DNAH5: variants seen among roughly 807,000 people sequenced by gnomAD.
DNAH5 encodes the protein axonemal beta dynein heavy chain 5.
In DNAH5, 372 loss-of-function variants were observed where a neutral mutation model predicts 518.2. The ratio of observed to expected loss-of-function variants is 0.72; its 90% CI spans 0.66 to 0.78. The LOEUF (loss-of-function observed/expected upper bound fraction) is 0.78. Ranked by LOEUF, DNAH5 falls within the 30% of genes least tolerant of loss-of-function variation. The pLI, the probability that DNAH5 is intolerant of heterozygous loss-of-function variation, is 0.00. For synonymous variants in DNAH5, 2,039 were observed against 2,025.9 expected (o/e 1.01, Z -0.17); for missense variants, 5,523 against 5,687.0 (o/e 0.97, Z 0.93).
At chr5:13,810,670 C>T (rs1437775793) in intron 44 of DNAH5, 3 of 172,796 alleles carry the variant, frequency 1.7e-5, no homozygotes, top group South Asian at 1.4e-4. Flanking sequence ...AGGAGAATGG[C>T]GTGAACTTGG....
chr5:13,769,721 C>T (rs1753065300), intron 56 of DNAH5, 106 bp from the exon 57 acceptor site: 1 of 992,728 alleles, frequency 1.0e-6, no homozygotes, highest in African/African-American at 1.6e-5. Flanking sequence ...CTGAAGATTG[C>T]ATGTATGCAA....
chr5:13,831,919 C>T (rs80060652), intron 35 of DNAH5, among the ~76,000 whole-genome samples: 224 of 152,256 alleles, frequency 1.5e-3, no homozygotes, highest in African/African-American at 5.0e-3. Flanking sequence ...AGGAAAAAGG[C>T]CACAGAGATT....
intron 32 of DNAH5, 123 bp downstream of exon 32, chr5:13,844,714 T>G: frequency 7.9e-7 from 1 of 1,265,676 alleles, no homozygotes; most frequent in Non-Finnish European, 1.2e-6. Flanking sequence ...TTTTAGTCAC[T>G]GGCCAAGAGC....
intron 30 of DNAH5, among the ~76,000 whole-genome samples, chr5:13,856,954 G>A (rs747590638): frequency 7.2e-5 from 11 of 152,152 alleles, no homozygotes; most frequent in African/African-American, 2.2e-4. Flanking sequence ...ACCGACACAA[G>A]ACAAGGATGC....
Position 13,691,680 on chromosome 5 carries a change from T to G in DNAH5, c.*304A>C. The G allele has an allele frequency of 2.8e-6, 1 of 358,110 alleles. No individual in the cohort carries two copies. The highest frequency in any genetic ancestry group is 5.3e-6 in the Non-Finnish European group (1 of 190,270). 22.2% of individuals were successfully genotyped at this position (358,110 alleles called of 1,614,324 possible). A position where few individuals can be genotyped will look rare whatever the true frequency, so the allele number is the denominator to read the frequency against. Reference sequence around the variant, plus strand: ...GAGAAATACTGTCTGCTTACCCTAGTCAGTCTTCGGAGCGAAGTAAGAAGA... The same window carrying G: ...GAGAAATACTGTCTGCTTACCCTAGGCAGTCTTCGGAGCGAAGTAAGAAGA... On this transcript the variant is annotated 3_prime_UTR_variant, in exon 79 of 79. Transcript: ENST00000265104.
chr5:13,932,408 T>C (rs999070253), intron 1 of DNAH5: 4 of 152,112 alleles, frequency 2.6e-5, no homozygotes, highest in Non-Finnish European at 5.9e-5. Context: ...AGCCTAGCAT[T>C]GAAGGAGGGT....
intron 38 of DNAH5, 78 bp from the exon 39 acceptor site, chr5:13,824,411 A>G: frequency 7.3e-7 from 1 of 1,365,386 alleles, no homozygotes; most frequent in Non-Finnish European, 1.0e-6. Flanking sequence ...GACAGAAATT[A>G]TATTCACAAT....
At chr5:13,944,304 A>C in intron 1 of DNAH5, 78 bp downstream of exon 1, 1 of 1,432,530 alleles carries the variant, frequency 7.0e-7, no homozygotes, top group Non-Finnish European at 9.9e-7. Flanking sequence ...AACCTTTTTC[A>C]AGTTTGTTTT....
intron 78 of DNAH5, among the ~76,000 whole-genome samples, chr5:13,692,496 T>C (rs1021656818): frequency 7.2e-5 from 11 of 152,016 alleles, no homozygotes; most frequent in African/African-American, 2.7e-4. Flanking sequence ...CACACACACA[T>C]CTACTTTTAC....
At chr5:13,804,533 A>C (rs1759275051) in intron 47 of DNAH5, among the ~76,000 whole-genome samples, 1 of 152,250 alleles carries the variant, frequency 6.6e-6, no homozygotes. Context: ...AGTTAATTAC[A>C]ACAGTTTGGC....
intron 41 of DNAH5, among the ~76,000 whole-genome samples, chr5:13,819,850 C>T (rs573337544): frequency 1.2e-4 from 18 of 152,148 alleles, no homozygotes; most frequent in African/African-American, 3.9e-4. Context: ...GGGATGACTT[C>T]GGCATATAGA....
intron 1 of DNAH5, among the ~76,000 whole-genome samples, chr5:13,954,083 A>G (rs1385533742): frequency 1.3e-5 from 2 of 152,236 alleles, no homozygotes; most frequent in Non-Finnish European, 2.9e-5. Flanking sequence ...TTTTTTCTAC[A>G]TGGTAAGAAA....
chr5:13,864,753 T>A, intron 27 of DNAH5, 116 bp from the exon 28 acceptor site: 1 of 1,148,918 alleles, frequency 8.7e-7, no homozygotes, highest in East Asian at 2.4e-5. Flanking sequence ...TTATCCTATT[T>A]TAAATCCCAT....
At chr5:13,763,595 T>C (rs1752071341) in intron 59 of DNAH5, among the ~76,000 whole-genome samples, 1 of 152,216 alleles carries the variant, frequency 6.6e-6, no homozygotes, top group Non-Finnish European at 1.5e-5. Flanking sequence ...AAGTGGTGTT[T>C]GATCATTTAA....
rs141389162 is a variant in DNAH5, at chr5:13,824,193, T to C, written c.6579+6A>G. On this transcript the variant is annotated splice_donor_region_variant and intron_variant, in intron 39 of 78. Coordinates refer to ENST00000265104, the MANE Select transcript of DNAH5 (RefSeq NM_001369.3). ...TAGGTGGAACACTTCCATCTGTGAG[T>C]CTTACCAGTTTAGAAAGATTCATGT... 1.3e-3 allele frequency: 2,155 copies of C among 1,613,886 alleles called. 27 individuals carry two copies. In the African/African-American group the frequency reaches 0.026, roughly 19 times the overall value.
upstream of DNAH5, among the ~76,000 whole-genome samples, chr5:13,945,788 T>C (rs142376454): frequency 1.2e-3 from 190 of 152,172 alleles, no homozygotes; most frequent in Middle Eastern, 0.02. Flanking sequence ...GTATTTTTTG[T>C]AGAAACAGGT....
At chr5:13,730,700 C>T (rs979485364) in intron 68 of DNAH5, among the ~76,000 whole-genome samples, 1 of 148,872 alleles carries the variant, frequency 6.7e-6, no homozygotes, top group African/African-American at 2.5e-5. Flanking sequence ...TCCCAAAGTG[C>T]TGTTATTTTT....
intron 2 of DNAH5, among the ~76,000 whole-genome samples, chr5:13,928,415 T>C (rs1778097632): frequency 6.6e-6 from 1 of 152,236 alleles, no homozygotes; most frequent in South Asian, 2.1e-4. Context: ...ATTTGCTACT[T>C]ATGCACATTT....
At chr5:13,893,316 G>A (rs1773513570) in intron 16 of DNAH5, among the ~76,000 whole-genome samples, 1 of 152,108 alleles carries the variant, frequency 6.6e-6, no homozygotes, top group African/African-American at 2.4e-5. Flanking sequence ...CCAGGAAGAG[G>A]TATCCAGAAA....
Sources: gnomAD v4.1 joint callset for allele counts (sites outside exome capture counted in the v4.1 genomes callset) on GRCh38, gnomAD v4.1.1 for gene constraint, MANE v1.5 for transcripts, NCBI Gene and HGNC (gene_info 2026-07-23, HGNC 2026-07-21) for gene names.